PLCG2: variants seen among roughly 807,000 people sequenced by gnomAD.
PLCG2 encodes phospholipase C gamma 2, also known as 1-phosphatidylinositol 4,5-bisphosphate phosphodiesterase gamma-2.
A neutral mutation model predicts 175.6 loss-of-function variants in PLCG2; 69 were observed. The ratio of observed to expected loss-of-function variants is 0.39; its 90% confidence interval spans 0.32 to 0.48. PLCG2 has a LOEUF of 0.48. Ranked by LOEUF, PLCG2 falls within the 20% of genes least tolerant of loss-of-function variation. PLCG2 has a pLI of 0.91. For missense variants in PLCG2, 1,798 were observed against 1,650.9 expected (o/e 1.09, Z -1.54); for synonymous variants, 827 against 624.0 (o/e 1.33, Z -4.85).
At chr16:81,783,724 GA>G (rs780089288) in intron 1 of PLCG2, among the ~76,000 whole-genome samples, 1 of 152,338 alleles carries the variant, frequency 6.6e-6, no homozygotes, top group African/African-American at 2.4e-5. Flanking sequence ...TAACAAGGAT[GA>G]AATGGACCAT....
intron 1 of PLCG2, among the ~76,000 whole-genome samples, chr16:81,784,510 C>G (rs4577082): frequency 0.43 from 64,748 of 152,012 alleles, 14,005 homozygotes; most frequent in South Asian, 0.64. Flanking sequence ...ACTCCTCCTT[C>G]TTTGGATCCT....
intron 2 of PLCG2, among the ~76,000 whole-genome samples, chr16:81,811,950 C>T (rs1904337386): frequency 1.3e-5 from 2 of 151,598 alleles, no homozygotes; most frequent in Admixed American, 6.6e-5. Context: ...GCAACGCTGT[C>T]TTCCACAATG....
chr16:81,903,772 G>A (rs1295433936), intron 14 of PLCG2, among the ~76,000 whole-genome samples: 1 of 152,136 alleles, frequency 6.6e-6, no homozygotes, highest in African/African-American at 2.4e-5. Flanking sequence ...GTTTCCATTA[G>A]GATGGCTTGC....
At chr16:81,863,753 C>A (rs1450617323) in intron 5 of PLCG2, among the ~76,000 whole-genome samples, 1 of 152,238 alleles carries the variant, frequency 6.6e-6, no homozygotes, top group African/African-American at 2.4e-5. Flanking sequence ...TGCCCTTGCC[C>A]CCTTGGCGTA....
At chr16:81,814,103 G>A (rs947822106) in intron 2 of PLCG2, among the ~76,000 whole-genome samples, 1 of 152,164 alleles carries the variant, frequency 6.6e-6, no homozygotes, top group Non-Finnish European at 1.5e-5. Flanking sequence ...GAGAGGATAA[G>A]GGGCTGGGAA....
chr16:81,949,313 T>TCCA (rs1197710467), intron 31 of PLCG2, among the ~76,000 whole-genome samples: 1 of 152,188 alleles, frequency 6.6e-6, no homozygotes, highest in Admixed American at 6.5e-5. Flanking sequence ...AGAAAACACA[T>TCCA]CCATACCCTC....
At chr16:81,871,716 G>T (rs562794471) in intron 7 of PLCG2, among the ~76,000 whole-genome samples, 1 of 152,222 alleles carries the variant, frequency 6.6e-6, no homozygotes, top group African/African-American at 2.4e-5. Context: ...AATTAAGAGG[G>T]TGTATGTTTT....
At chr16:81,895,030 G>A (rs1037118839) in intron 12 of PLCG2, among the ~76,000 whole-genome samples, 31 of 152,058 alleles carry the variant, frequency 2.0e-4, no homozygotes, top group Non-Finnish European at 3.8e-4. Flanking sequence ...CCTCCCTCAG[G>A]AAAAAACAAA....
intron 2 of PLCG2, among the ~76,000 whole-genome samples, chr16:81,814,437 A>C (rs1489518658): frequency 6.6e-6 from 1 of 152,116 alleles, no homozygotes; most frequent in Non-Finnish European, 1.5e-5. Flanking sequence ...TCATGCCTGT[A>C]ATCCCAGCAC....
At chr16:81,785,432 A>C (rs1420525741) in intron 1 of PLCG2, among the ~76,000 whole-genome samples, 4 of 152,122 alleles carry the variant, frequency 2.6e-5, no homozygotes, top group Non-Finnish European at 4.4e-5. Flanking sequence ...TTCTATGCAG[A>C]GGAACCATTT....
At chr16:81,801,653 C>A (rs1471049596) in intron 2 of PLCG2, among the ~76,000 whole-genome samples, 1 of 151,886 alleles carries the variant, frequency 6.6e-6, no homozygotes, top group Non-Finnish European at 1.5e-5. Context: ...CCCATTTTTT[C>A]GATATTAGAT....
chr16:81,780,234 A>G (rs1043805396), intron 1 of PLCG2, among the ~76,000 whole-genome samples: 4 of 152,178 alleles, frequency 2.6e-5, no homozygotes, highest in Admixed American at 6.5e-5. Context: ...CAGTTCCATC[A>G]GTGGGACCCT....
At chr16:81,848,754 G>A (rs1425777901) in intron 2 of PLCG2, among the ~76,000 whole-genome samples, 3 of 152,226 alleles carry the variant, frequency 2.0e-5, no homozygotes, top group African/African-American at 7.2e-5. Flanking sequence ...GGAGCTCAGT[G>A]GTGAAGAAGG....
chr16:81,841,710 G>A (rs959147319), intron 2 of PLCG2, among the ~76,000 whole-genome samples: 2 of 152,178 alleles, frequency 1.3e-5, no homozygotes, highest in African/African-American at 4.8e-5. Flanking sequence ...TCCTTCTAGA[G>A]CTGGGCTCTT....
intron 7 of PLCG2, among the ~76,000 whole-genome samples, chr16:81,877,859 T>C (rs1427705949): frequency 6.6e-6 from 1 of 151,962 alleles, no homozygotes; most frequent in Admixed American, 6.6e-5. Context: ...GTAGATGTCA[T>C]TGCATCGCTC....
At chr16:81,763,921 T>G (rs1032148216) in intron 2 of PLCG2, among the ~76,000 whole-genome samples, 4 of 151,602 alleles carry the variant, frequency 2.6e-5, no homozygotes, top group African/African-American at 9.7e-5. Context: ...GAGCCAAGAT[T>G]TTGCCACTGC....
At chr16:81,935,430 A>G (rs1910667506) in intron 26 of PLCG2, 10 of 684,556 alleles carry the variant, frequency 1.5e-5, no homozygotes, top group African/African-American at 1.9e-5. Context: ...GCCATTTAAA[A>G]AAAAAAAGAC....
At chr16:81,801,620 C>A (rs958947501) in intron 2 of PLCG2, among the ~76,000 whole-genome samples, 1 of 152,116 alleles carries the variant, frequency 6.6e-6, no homozygotes, top group African/African-American at 2.4e-5. Flanking sequence ...TAGGATTCTA[C>A]CTTATTTTTT....
intron 2 of PLCG2, among the ~76,000 whole-genome samples, chr16:81,769,507 A>C (rs1056909336): frequency 2.0e-5 from 3 of 152,080 alleles, no homozygotes; most frequent in African/African-American, 7.2e-5. Flanking sequence ...AAGTGTAAAT[A>C]ATTCTAGGTC....
Sources: allele counts gnomAD v4.1 joint callset (sites outside exome capture counted in the v4.1 genomes callset), GRCh38; gene constraint gnomAD v4.1.1; transcripts MANE v1.5; gene names NCBI Gene and HGNC (gene_info 2026-07-23, HGNC 2026-07-21).